Variants in TEX11 observed in about 807,000 individuals in gnomAD.
TEX11 encodes the protein testis-expressed protein 11.
In TEX11, 7 loss-of-function variants were observed where a neutral mutation model predicts 84.4. That is an observed-to-expected ratio of 0.08 (90% CI 0.05 to 0.16). TEX11 has a LOEUF of 0.16. TEX11 is among the 10% of genes least tolerant of loss of function. The pLI is 1.00. For synonymous variants in TEX11, 264 were observed against 222.8 expected (o/e 1.18, Z -1.64); for missense variants, 551 against 660.5 (o/e 0.83, Z 1.82).
chrX:70,587,867 G>A (rs936144226), intron 25 of TEX11, among the ~76,000 whole-genome samples: 3 of 112,713 alleles, frequency 2.7e-5, no homozygotes, highest in African/African-American at 9.7e-5. Flanking sequence ...GGGCAGAGCT[G>A]CCCAAGACGA....
chrX:70,773,071 G>T (rs1474046590), intron 9 of TEX11, among the ~76,000 whole-genome samples: 1 of 110,729 alleles, frequency 9.0e-6, no homozygotes, highest in African/African-American at 3.3e-5. Flanking sequence ...TTCATAAAAA[G>T]GATATAGAAA....
At chrX:70,526,567 TAA>T (rs528016287), downstream of TEX11, among the ~76,000 whole-genome samples, 12 of 80,757 alleles carry the variant, frequency 1.5e-4, no homozygotes, top group Admixed American at 4.3e-4. Context: ...AGACTCCGTC[TAA>T]AAAAAAAAAA....
At chrX:70,803,347 A>T (rs2091200245) in intron 9 of TEX11, among the ~76,000 whole-genome samples, 1 of 111,566 alleles carries the variant, frequency 9.0e-6, no homozygotes, top group Non-Finnish European at 1.9e-5. Context: ...AACCTGTGGT[A>T]TCTCTAAGGG....
chrX:70,888,973 T>C (rs2091724028), intron 2 of TEX11, among the ~76,000 whole-genome samples: 1 of 111,222 alleles, frequency 9.0e-6, no homozygotes, highest in Non-Finnish European at 1.9e-5. Context: ...CCTAGAATAG[T>C]ATATCCAGTG....
chrX:70,854,703 T>C (rs188328789), intron 5 of TEX11, among the ~76,000 whole-genome samples: 1,534 of 104,948 alleles, frequency 0.015, 13 homozygotes, highest in South Asian at 0.023. Flanking sequence ...GCCACTGCAC[T>C]CCAGCCTGGG....
intron 10 of TEX11, 77 bp from the exon 11 acceptor site, chrX:70,740,873 C>T (rs1161677215): frequency 3.5e-6 from 2 of 568,496 alleles, no homozygotes; most frequent in Non-Finnish European, 5.4e-6. Context: ...AGCACTCCCA[C>T]AGTGACAGGC....
rs758626520 is a variant in TEX11, at chrX:70,817,896, C to T, written c.607-11106G>A. Reference sequence around the variant, plus strand: ...GACGTGCTCAAAAGTAATGGCAACACGTAAAAAACACATAGAAGTCAAGTA... The same window carrying T: ...GACGTGCTCAAAAGTAATGGCAACATGTAAAAAACACATAGAAGTCAAGTA... On this transcript the variant is annotated intron_variant, in intron 8 of 29. Coordinates refer to ENST00000374333, the MANE Select transcript of TEX11 (RefSeq NM_031276.3). Among the ~76,000 whole-genome samples, 5 of 111,725 alleles carry T rather than the reference C, an allele frequency of 4.5e-5. No homozygotes were observed. In the East Asian group the frequency reaches 8.4e-4, roughly 19 times the overall value.
chrX:70,789,541 G>A (rs1009490526), intron 9 of TEX11, among the ~76,000 whole-genome samples: 5 of 111,821 alleles, frequency 4.5e-5, no homozygotes, highest in Admixed American at 2.9e-4. Context: ...GAAGTGAGCC[G>A]AGAGCAAGAC....
intron 4 of TEX11, among the ~76,000 whole-genome samples, chrX:70,864,034 A>C (rs927752257): frequency 8.9e-6 from 1 of 111,953 alleles, no homozygotes; most frequent in African/African-American, 3.2e-5. Flanking sequence ...AGATGAGAGA[A>C]AAAAGAGTGA....
At chrX:70,880,144 C>G (rs1474706964) in intron 2 of TEX11, 35 bp from the exon 3 acceptor site, 1 of 1,097,523 alleles carries the variant, frequency 9.1e-7, no homozygotes, top group South Asian at 2.3e-5. Context: ...GTGCTGTGAA[C>G]TATTACCATT....
chrX:70,822,446 TAC>T (rs1269674706), intron 8 of TEX11, among the ~76,000 whole-genome samples: 1 of 111,101 alleles, frequency 9.0e-6, no homozygotes, highest in African/African-American at 3.3e-5. Context: ...GGTATGTATA[TAC>T]ACACACACAG....
At chrX:70,838,452 T>C (rs972004479) in intron 7 of TEX11, among the ~76,000 whole-genome samples, 2 of 111,943 alleles carry the variant, frequency 1.8e-5, no homozygotes, top group Non-Finnish European at 1.9e-5. Flanking sequence ...AAAATCACAT[T>C]TGTTTAATAC....
intron 13 of TEX11, among the ~76,000 whole-genome samples, chrX:70,710,351 AAAAGAGGATT>A (rs761907021): frequency 9.0e-6 from 1 of 111,697 alleles, no homozygotes; most frequent in Non-Finnish European, 1.9e-5. Context: ...ACAAAATTCT[AAAAGAGGATT>A]AAAGTCCAAG....
chrX:70,778,734 G>T (rs376894360), intron 9 of TEX11, among the ~76,000 whole-genome samples: 2 of 111,032 alleles, frequency 1.8e-5, no homozygotes, highest in Admixed American at 9.7e-5. Context: ...GGGCTCAAGC[G>T]ATCCTTGAGC....
chrX:70,825,457 A>G (rs1263679023), intron 8 of TEX11, among the ~76,000 whole-genome samples: 1 of 110,660 alleles, frequency 9.0e-6, no homozygotes, highest in African/African-American at 3.3e-5. Context: ...GAATGTTAAA[A>G]CTATCTGATA....
rs186130674 is a variant in TEX11 at position 70,729,528 on chromosome X, C to T, written c.844-4185G>A. On this transcript the variant is annotated intron_variant, in intron 11 of 29. Transcript: ENST00000374333. Reference sequence around the variant, plus strand: ...GTGATGAATGCACAAGCTTCAGTAGCGGATTCGATCAACTGGAAAAAAGGG... The same window carrying T: ...GTGATGAATGCACAAGCTTCAGTAGTGGATTCGATCAACTGGAAAAAAGGG... Among the ~76,000 whole-genome samples the T allele has an allele frequency of 3.1e-3, 340 of 111,103 alleles. 1 individual carries two copies. The highest frequency in any genetic ancestry group is 9.8e-3 in the African/African-American group (300 of 30,572).
chrX:70,522,726 A>G, the TEX11 span, among the ~76,000 whole-genome samples: 1 of 106,531 alleles, frequency 9.4e-6, no homozygotes, highest in Non-Finnish European at 1.9e-5. Context: ...TTTTTTTAGT[A>G]GAGACAGGGT....
chrX:70,602,973 T>C (rs1422760161), intron 24 of TEX11, among the ~76,000 whole-genome samples: 1 of 64,066 alleles, frequency 1.6e-5, no homozygotes, highest in African/African-American at 6.1e-5. Flanking sequence ...GAGAATAAAA[T>C]ACCTAGGAAT....
chrX:70,716,869 G>C lies in TEX11; in HGVS notation c.1004+5749C>G. On this transcript the variant is annotated intron_variant, in intron 13 of 29. Coordinates refer to ENST00000374333, the MANE Select transcript of TEX11 (RefSeq NM_031276.3). ...GCAGAAATCATTCGTCTTCTGCGTC[G>C]CTCACGCTGGGAGCTGTAGACTGGA... 1.8e-5 allele frequency among the ~76,000 whole-genome samples: 2 copies of C among 112,236 alleles called. 1 individual carries two copies. The highest frequency in any genetic ancestry group is 8.4e-3 in the Middle Eastern group (2 of 239).
Sources: allele counts gnomAD v4.1 joint callset (sites outside exome capture counted in the v4.1 genomes callset), GRCh38; gene constraint gnomAD v4.1.1; transcripts MANE v1.5; gene names NCBI Gene and HGNC (gene_info 2026-07-23, HGNC 2026-07-21).